The following UCHL3 variants were observed in gnomAD, a reference collection of about 807,000 sequenced individuals.
UCHL3 encodes ubiquitin carboxyl-terminal hydrolase isozyme L3.
UCHL3 carries 22 observed loss-of-function variants against 35.8 expected under a neutral mutation model. That is an observed-to-expected ratio of 0.61 (90% CI 0.44 to 0.88). The LOEUF (loss-of-function observed/expected upper bound fraction) is 0.88, where lower values mean the gene tolerates loss of function less well. Among genes scored for constraint, UCHL3 ranks in the 40% least tolerant of loss-of-function variants. UCHL3 has a pLI of 0.00. For synonymous variants in UCHL3, 90 were observed against 92.8 expected (o/e 0.97, Z 0.17); for missense variants, 229 against 276.9 (o/e 0.83, Z 1.23).
intron 3 of UCHL3, among the ~76,000 whole-genome samples, chr13:75,564,484 T>A (rs2031622311): frequency 6.6e-6 from 1 of 152,070 alleles, no homozygotes; most frequent in Non-Finnish European, 1.5e-5. Flanking sequence ...TAGAGATTCA[T>A]CTCCTTTACA....
At chr13:75,569,400 T>G in intron 5 of UCHL3, 60 bp from the exon 6 acceptor site, 1 of 1,389,694 alleles carries the variant, frequency 7.2e-7, no homozygotes, top group South Asian at 1.3e-5. Context: ...CTTTGTTGTC[T>G]TCATTTAAAA....
At chr13:75,594,572 A>G (rs1290454456) in intron 6 of UCHL3, among the ~76,000 whole-genome samples, 1 of 125,266 alleles carries the variant, frequency 8.0e-6, no homozygotes, top group Non-Finnish European at 1.7e-5. Context: ...ATATCAGTTC[A>G]TGTATTCATT....
intron 6 of UCHL3, among the ~76,000 whole-genome samples, chr13:75,572,943 T>C (rs1471217402): frequency 2.0e-5 from 3 of 152,164 alleles, no homozygotes; most frequent in Non-Finnish European, 4.4e-5. Flanking sequence ...TCAGGGACTT[T>C]TAATATTTTT....
At chr13:75,597,672 A>G (rs2032678846) in intron 7 of UCHL3, among the ~76,000 whole-genome samples, 2 of 152,210 alleles carry the variant, frequency 1.3e-5, no homozygotes, top group African/African-American at 4.8e-5. Flanking sequence ...AAGGGGCTTG[A>G]ACATCTCAAA....
intron 1 of UCHL3, 54 bp downstream of exon 1, chr13:75,549,916 C>G: frequency 6.2e-7 from 1 of 1,614,140 alleles, no homozygotes; most frequent in Non-Finnish European, 8.5e-7. Flanking sequence ...AGGGAGCCGG[C>G]TTGCTGCCGC....
At chr13:75,551,505 A>G (rs2031107858) in intron 2 of UCHL3, among the ~76,000 whole-genome samples, 1 of 152,128 alleles carries the variant, frequency 6.6e-6, no homozygotes, top group Non-Finnish European at 1.5e-5. Flanking sequence ...GACAATTCAT[A>G]TTAAGAAAAC....
chr13:75,581,516 A>T (rs1046324611), intron 6 of UCHL3, among the ~76,000 whole-genome samples: 2 of 109,402 alleles, frequency 1.8e-5, no homozygotes, highest in East Asian at 5.4e-4. Context: ...CACCTGGCTA[A>T]TTTTTTTTTT....
intron 6 of UCHL3, among the ~76,000 whole-genome samples, chr13:75,591,455 A>G (rs1593758805): frequency 6.6e-6 from 1 of 152,166 alleles, no homozygotes; most frequent in African/African-American, 2.4e-5. Context: ...TAAAGGTGTA[A>G]ATTCTGACAT....
At chr13:75,554,723 T>C (rs2031234211) in intron 2 of UCHL3, among the ~76,000 whole-genome samples, 1 of 152,162 alleles carries the variant, frequency 6.6e-6, no homozygotes, top group African/African-American at 2.4e-5. Context: ...GGTCTTCCAA[T>C]GCTTGTCCTT....
chr13:75,591,687 C>T (rs1457284003), intron 6 of UCHL3, among the ~76,000 whole-genome samples: 1 of 152,062 alleles, frequency 6.6e-6, no homozygotes, highest in African/African-American at 2.4e-5. Context: ...GGTTTGAATC[C>T]AGATTCTACC....
In UCHL3 at chr13:75,569,523, T is replaced by C; in HGVS notation, c.474+16T>C. 6.2e-7 allele frequency: 1 copy of C among 1,602,566 alleles called. No homozygotes were observed. Among genetic ancestry groups the C allele is most frequent in the Non-Finnish European group, 8.5e-7 (1 of 1,174,930 alleles). On this transcript the variant is annotated intron_variant, in intron 6 of 8. Coordinates refer to ENST00000377595, the MANE Select transcript of UCHL3 (RefSeq NM_006002.5). Reference sequence around the variant, plus strand: ...TCAGACTGAGGTATTTCACATTTTTTCTAAATTTTTCTTGCTATAAATTTA... The same window carrying C: ...TCAGACTGAGGTATTTCACATTTTTCCTAAATTTTTCTTGCTATAAATTTA...
intron 2 of UCHL3, among the ~76,000 whole-genome samples, chr13:75,551,072 T>C (rs2031087679): frequency 6.6e-6 from 1 of 152,188 alleles, no homozygotes; most frequent in Non-Finnish European, 1.5e-5. Context: ...TCGCAAATGA[T>C]TTTTCTGCAT....
At chr13:75,576,246 C>G (rs1167674344) in intron 6 of UCHL3, among the ~76,000 whole-genome samples, 1 of 151,280 alleles carries the variant, frequency 6.6e-6, no homozygotes, top group Non-Finnish European at 1.5e-5. Context: ...TATTATTTTT[C>G]TGATGTGAAG....
intron 6 of UCHL3, among the ~76,000 whole-genome samples, chr13:75,592,449 T>TGTATATAC (rs2032526339): frequency 9.5e-6 from 1 of 105,566 alleles, no homozygotes; most frequent in African/African-American, 3.3e-5. Flanking sequence ...TATATATATA[T>TGTATATAC]ATATATATAT....
At chr13:75,553,703 C>T (rs1042428838) in intron 2 of UCHL3, among the ~76,000 whole-genome samples, 6 of 152,172 alleles carry the variant, frequency 3.9e-5, no homozygotes, top group African/African-American at 1.4e-4. Context: ...TCCTTGAAAC[C>T]CTAACATTGC....
intron 7 of UCHL3, among the ~76,000 whole-genome samples, chr13:75,601,731 ATCTC>A (rs2032785587): frequency 1.3e-5 from 2 of 152,196 alleles, no homozygotes; most frequent in South Asian, 4.1e-4. Context: ...AACCCACAGT[ATCTC>A]TCAGGCATGC....
intron 2 of UCHL3, among the ~76,000 whole-genome samples, chr13:75,557,313 CAT>C (rs1392136622): frequency 6.6e-6 from 1 of 151,946 alleles, no homozygotes; most frequent in Non-Finnish European, 1.5e-5. Flanking sequence ...GGTCTCAAAA[CAT>C]ATTTACAAAT....
chr13:75,592,462 A>ATGTATATACG (rs2032535010), intron 6 of UCHL3, among the ~76,000 whole-genome samples: 2 of 109,802 alleles, frequency 1.8e-5, no homozygotes, highest in African/African-American at 3.4e-5. Flanking sequence ...ATATATATAT[A>ATGTATATACG]TATATGAAGG....
At chr13:75,592,465 T>TGTATATAC (rs1220742093) in intron 6 of UCHL3, among the ~76,000 whole-genome samples, 15 of 105,790 alleles carry the variant, frequency 1.4e-4, no homozygotes, top group Non-Finnish European at 2.3e-4. Context: ...TATATATATA[T>TGTATATAC]ATGAAGGAAA....
Sources: gnomAD v4.1 joint callset for allele counts (sites outside exome capture counted in the v4.1 genomes callset) on GRCh38, gnomAD v4.1.1 for gene constraint, MANE v1.5 for transcripts, NCBI Gene and HGNC (gene_info 2026-07-23, HGNC 2026-07-21) for gene names.